The following CASK variants were observed in gnomAD, a reference collection of about 807,000 sequenced individuals.
The protein encoded by CASK is peripheral plasma membrane protein CASK.
A neutral mutation model predicts 82.9 loss-of-function variants in CASK; 4 were observed. The ratio of observed to expected loss-of-function variants is 0.05; its 90% CI spans 0.02 to 0.11. The LOEUF is 0.11. Ranked by LOEUF, CASK falls within the 10% of genes least tolerant of loss-of-function variation. The pLI, the probability that CASK is intolerant of heterozygous loss-of-function variation, is 1.00. For synonymous variants in CASK, 259 were observed against 253.5 expected (o/e 1.02, Z -0.20); for missense variants, 358 against 720.9 (o/e 0.50, Z 5.76).
intron 5 of CASK, among the ~76,000 whole-genome samples, chrX:41,725,607 T>A (rs755418121): frequency 8.9e-6 from 1 of 111,796 alleles, no homozygotes; most frequent in South Asian, 3.8e-4. Flanking sequence ...CTTTTGTTAT[T>A]CTCACCTGAA....
chrX:41,921,210 G>T (rs2072774964), intron 1 of CASK, among the ~76,000 whole-genome samples: 1 of 112,288 alleles, frequency 8.9e-6, no homozygotes, highest in African/African-American at 3.2e-5. Flanking sequence ...ACTTGGGTAT[G>T]TGAATATACT....
intron 1 of CASK, among the ~76,000 whole-genome samples, chrX:41,898,061 AC>A: frequency 9.0e-6 from 1 of 111,573 alleles, no homozygotes; most frequent in Middle Eastern, 4.7e-3. Context: ...ATTCCTCTTT[AC>A]AGGTTTGACA....
At chrX:41,863,660 C>G (rs1208237631) in intron 1 of CASK, among the ~76,000 whole-genome samples, 1 of 112,132 alleles carries the variant, frequency 8.9e-6, no homozygotes, top group Non-Finnish European at 1.9e-5. Context: ...GCCTATACAT[C>G]AGAAATTGGC....
At chrX:41,822,206 T>A (rs760633973) in intron 2 of CASK, among the ~76,000 whole-genome samples, 2 of 112,153 alleles carry the variant, frequency 1.8e-5, no homozygotes, top group African/African-American at 6.5e-5. Context: ...GTATTGCACC[T>A]TCTTATTTCT....
intron 5 of CASK, among the ~76,000 whole-genome samples, chrX:41,704,642 C>T (rs754322249): frequency 6.3e-5 from 7 of 111,906 alleles, no homozygotes; most frequent in East Asian, 2.8e-4. Context: ...CCAATGTATA[C>T]GGATTATTAT....
intron 1 of CASK, among the ~76,000 whole-genome samples, chrX:41,871,069 C>T (rs2071699264): frequency 8.9e-6 from 1 of 111,754 alleles, no homozygotes. Context: ...CTTCCAACCT[C>T]ATTCAAGTTG....
chrX:41,722,306 T>G (rs1219565679), intron 5 of CASK, among the ~76,000 whole-genome samples: 1 of 112,165 alleles, frequency 8.9e-6, no homozygotes, highest in Admixed American at 9.5e-5. Context: ...CGTCCCACAC[T>G]GATGCAGGGC....
At position 41,674,955 on chromosome X, in the gene CASK, A is replaced by T. The variant is rs1440318897; in HGVS notation, c.430-3425T>A. The stretch of plus-strand genomic sequence containing the variant: ...AAAAAAAAAATCACAAAAGCAAAAA[A>T]CCTAAAAAAAAAAAGTTAAATACAT... On this transcript the variant is annotated intron_variant, in intron 5 of 26. Transcript: ENST00000378163. Among the ~76,000 whole-genome samples the T allele has an allele frequency of 2.7e-5, 3 of 110,899 alleles. No individual in the cohort carries two copies. In the South Asian group the frequency reaches 1.1e-3, roughly 42 times the overall value.
rs1447259534 is a variant in CASK at position 41,744,355 on chromosome X, T to G, written c.356+1169A>C. Among the ~76,000 whole-genome samples the G allele has an allele frequency of 4.6e-5, 5 of 108,093 alleles. No individual in the cohort carries two copies. The Admixed American group carries it at 4.9e-4, about 11-fold the overall frequency. 93.9% of individuals were successfully genotyped at this position (108,093 alleles called of 115,157 possible). A position where few individuals can be genotyped will look rare whatever the true frequency, so the allele number is the denominator to read the frequency against. On this transcript the variant is annotated intron_variant, in intron 4 of 26. Transcript: ENST00000378163. The stretch of plus-strand genomic sequence containing the variant: ...ATTTTTCATATTTACTTCTTTTTTT[T>G]TTTTTTTTGAGACGGAGTCTCGCTC...
chrX:41,591,905 T>C (rs753825111), intron 12 of CASK, among the ~76,000 whole-genome samples: 1 of 111,435 alleles, frequency 9.0e-6, no homozygotes, highest in Non-Finnish European at 1.9e-5. Flanking sequence ...GTCATAATAT[T>C]ATCAAGCAAA....
Position 41,792,114 on chromosome X carries a change from T to C in CASK, c.173-4831A>G, listed in dbSNP as rs187938277. 5.4e-5 allele frequency among the ~76,000 whole-genome samples: 6 copies of C among 111,373 alleles called. No homozygotes were observed. The Admixed American group carries it at 5.7e-4, about 11-fold the overall frequency. On this transcript the variant is annotated intron_variant, in intron 2 of 26. Transcript: ENST00000378163. ...GGGTCTGCCTATCAGACTGGTCAAGTAAGGGAAAGTTAGGGAAGCTGGTTC... is the reference window on the plus strand; with the variant it reads ...GGGTCTGCCTATCAGACTGGTCAAGCAAGGGAAAGTTAGGGAAGCTGGTTC...
intron 1 of CASK, among the ~76,000 whole-genome samples, chrX:41,890,014 CTATT>C (rs1250635356): frequency 9.0e-6 from 1 of 111,439 alleles, no homozygotes; most frequent in Non-Finnish European, 1.9e-5. Flanking sequence ...AGCTTATTAA[CTATT>C]TAGGTTTATT....
rs1375661821 is a variant in CASK at position 41,651,768 on chromosome X, G to A, written c.831+8671C>T. Among the ~76,000 whole-genome samples, 4 of 111,381 alleles carry A rather than the reference G, an allele frequency of 3.6e-5. No individual in the cohort carries two copies. The Admixed American group carries it at 3.8e-4, about 11-fold the overall frequency. ...AGGAAGTAGCATGGTATAATACAACGAACATTCATTCATTGATTAAATCAT... is the reference window on the plus strand; with the variant it reads ...AGGAAGTAGCATGGTATAATACAACAAACATTCATTCATTGATTAAATCAT... On this transcript the variant is annotated intron_variant, in intron 8 of 26. Coordinates refer to ENST00000378163, the MANE Select transcript of CASK (RefSeq NM_001367721.1).
chrX:41,638,215 T>C (rs1284438772), intron 8 of CASK, among the ~76,000 whole-genome samples: 2 of 110,912 alleles, frequency 1.8e-5, no homozygotes, highest in Non-Finnish European at 3.8e-5. Flanking sequence ...AAAAGTACTA[T>C]GGAATAAGGC....
chrX:41,636,027 G>C (rs1361773210), intron 9 of CASK, among the ~76,000 whole-genome samples: 1 of 106,042 alleles, frequency 9.4e-6, no homozygotes, highest in Non-Finnish European at 1.9e-5. Flanking sequence ...CTCCCGAGTA[G>C]CTGGGATTAT....
At chrX:41,911,709 T>A (rs992713325) in intron 1 of CASK, among the ~76,000 whole-genome samples, 1 of 112,034 alleles carries the variant, frequency 8.9e-6, no homozygotes, top group Non-Finnish European at 1.9e-5. Context: ...AATCTGTCAA[T>A]TGTCTAAATG....
chrX:41,572,132 C>T (rs369853183), intron 15 of CASK, among the ~76,000 whole-genome samples: 22 of 106,355 alleles, frequency 2.1e-4, no homozygotes, highest in African/African-American at 4.5e-4. Context: ...GTCACCCAGG[C>T]GGAGCACAGT....
At chrX:41,699,048 T>G (rs1602488234) in intron 5 of CASK, among the ~76,000 whole-genome samples, 1 of 110,459 alleles carries the variant, frequency 9.1e-6, no homozygotes, top group Non-Finnish European at 1.9e-5. Context: ...TGCTTCAGCC[T>G]CCCGGGTAGC....
chrX:41,581,821 A>G (rs1444223725), intron 14 of CASK, among the ~76,000 whole-genome samples: 3 of 110,136 alleles, frequency 2.7e-5, no homozygotes, highest in Non-Finnish European at 3.8e-5. Flanking sequence ...GGAATGACCA[A>G]TGAGCTCAAC....
Sources: gnomAD v4.1 joint callset for allele counts (sites outside exome capture counted in the v4.1 genomes callset) on GRCh38, gnomAD v4.1.1 for gene constraint, MANE v1.5 for transcripts, NCBI Gene and HGNC (gene_info 2026-07-23, HGNC 2026-07-21) for gene names.